Variants in ICA1 observed in about 807,000 individuals in gnomAD.
The protein encoded by ICA1 is 69 kDa islet cell autoantigen.
A neutral mutation model predicts 71.0 loss-of-function variants in ICA1; 40 were observed. That is an observed-to-expected ratio of 0.56 (90% CI 0.44 to 0.73). The LOEUF (loss-of-function observed/expected upper bound fraction) is 0.73. Among genes scored for constraint, ICA1 ranks in the 30% least tolerant of loss-of-function variants. The pLI is 0.00. For synonymous variants in ICA1, 207 were observed against 209.5 expected (o/e 0.99, Z 0.10); for missense variants, 578 against 576.5 (o/e 1.00, Z -0.03).
chr7:8,225,735 C>T (rs531092789), intron 4 of ICA1, among the ~76,000 whole-genome samples: 6 of 152,254 alleles, frequency 3.9e-5, no homozygotes, highest in African/African-American at 7.2e-5. Flanking sequence ...CATAGTGGCA[C>T]CTTTGATGAC....
At chr7:8,216,107 A>C (rs534365071) in intron 6 of ICA1, among the ~76,000 whole-genome samples, 8 of 152,222 alleles carry the variant, frequency 5.3e-5, no homozygotes, top group Non-Finnish European at 1.2e-4. Context: ...TCAATTTCCA[A>C]AACATCATGA....
At chr7:8,211,613 CACA>C (rs1313020457) in intron 6 of ICA1, among the ~76,000 whole-genome samples, 1 of 152,104 alleles carries the variant, frequency 6.6e-6, no homozygotes, top group African/African-American at 2.4e-5. Context: ...AGTTCCATTG[CACA>C]ACAATGTAAA....
chr7:8,229,933 G>A lies in ICA1; in HGVS notation c.184-1260C>T, dbSNP rs113364345. ...ATTTCCTGAATATAGGAGCAAGGAC[G>A]TTCAAAAAGTATGTTTAGGAGTTGT... On this transcript the variant is annotated intron_variant, in intron 3 of 13. Coordinates refer to ENST00000402384, the MANE Select transcript of ICA1 (RefSeq NM_001136020.3). Among the ~76,000 whole-genome samples, 853 of 152,282 alleles carry A rather than the reference G, an allele frequency of 5.6e-3. 21 individuals carry two copies. Among genetic ancestry groups the A allele is most frequent in the Admixed American group, 0.041 (632 of 15,300 alleles).
intron 6 of ICA1, among the ~76,000 whole-genome samples, chr7:8,205,062 T>G (rs1447346864): frequency 8.5e-6 from 1 of 117,786 alleles, no homozygotes; most frequent in Admixed American, 9.3e-5. Context: ...CTTTTTATTT[T>G]AAAATGGAAG....
intron 8 of ICA1, among the ~76,000 whole-genome samples, chr7:8,146,907 C>T (rs1182368229): frequency 6.6e-6 from 1 of 150,512 alleles, no homozygotes; most frequent in Admixed American, 6.6e-5. Flanking sequence ...CACACACACA[C>T]TCGCCTTTCG....
At chr7:8,203,913 G>A (rs1790582623) in intron 6 of ICA1, among the ~76,000 whole-genome samples, 1 of 152,080 alleles carries the variant, frequency 6.6e-6, no homozygotes, top group African/African-American at 2.4e-5. Flanking sequence ...TACTCTTGCA[G>A]GATTCAGGCG....
At chr7:8,210,033 A>C (rs1981715) in intron 6 of ICA1, among the ~76,000 whole-genome samples, 1 of 152,078 alleles carries the variant, frequency 6.6e-6, no homozygotes, top group African/African-American at 2.4e-5. Context: ...CTAACTTTGG[A>C]CTTGTCAATT....
intron 1 of ICA1, among the ~76,000 whole-genome samples, chr7:8,261,682 C>G (rs1812468548): frequency 6.7e-6 from 1 of 148,606 alleles, no homozygotes; most frequent in Non-Finnish European, 1.5e-5. Context: ...ACCCTGGACG[C>G]AAGTCCCTGC....
At chr7:8,233,782 A>G (rs1421160546) in intron 2 of ICA1, among the ~76,000 whole-genome samples, 1 of 152,216 alleles carries the variant, frequency 6.6e-6, no homozygotes, top group Non-Finnish European at 1.5e-5. Context: ...ACCACAATAA[A>G]ATAACAATAA....
chr7:8,174,609 C>T (rs1482935442), intron 6 of ICA1, among the ~76,000 whole-genome samples: 7 of 151,708 alleles, frequency 4.6e-5, no homozygotes, highest in South Asian at 4.2e-4. Context: ...GCTTGGGCAA[C>T]GTGGCAAAAC....
intron 6 of ICA1, among the ~76,000 whole-genome samples, chr7:8,196,688 A>C (rs1002610604): frequency 1.8e-4 from 27 of 152,284 alleles, no homozygotes; most frequent in Admixed American, 1.1e-3. Flanking sequence ...GAAGCTAAAA[A>C]TTGCTCTTAA....
chr7:8,178,102 A>G (rs2128250625), intron 6 of ICA1, among the ~76,000 whole-genome samples: 1 of 152,302 alleles, frequency 6.6e-6, no homozygotes, highest in South Asian at 2.1e-4. Flanking sequence ...ACAATCTTCC[A>G]GCTCATCAAG....
chr7:8,193,727 A>G (rs1044515574), intron 6 of ICA1, among the ~76,000 whole-genome samples: 12 of 152,174 alleles, frequency 7.9e-5, no homozygotes, highest in Non-Finnish European at 1.8e-4. Context: ...CTTTTGTTCC[A>G]TTTGCTTATT....
chr7:8,156,367 C>T (rs1273438340), intron 8 of ICA1, among the ~76,000 whole-genome samples: 3 of 152,186 alleles, frequency 2.0e-5, no homozygotes, highest in Non-Finnish European at 2.9e-5. Context: ...GTTCATGCCT[C>T]GTTTTCTTCT....
chr7:8,164,825 C>A (rs1805295764), intron 6 of ICA1, among the ~76,000 whole-genome samples: 1 of 152,174 alleles, frequency 6.6e-6, no homozygotes, highest in Non-Finnish European at 1.5e-5. Flanking sequence ...TACTGGTAAT[C>A]CCAGTACTTT....
chr7:8,229,303 G>C (rs1268302483), intron 3 of ICA1, among the ~76,000 whole-genome samples: 2 of 152,148 alleles, frequency 1.3e-5, no homozygotes, highest in African/African-American at 2.4e-5. Context: ...CCATGCTGTG[G>C]CCATACTAGC....
intron 6 of ICA1, among the ~76,000 whole-genome samples, chr7:8,194,583 C>T (rs1337811612): frequency 6.6e-6 from 1 of 152,154 alleles, no homozygotes; most frequent in Non-Finnish European, 1.5e-5. Flanking sequence ...TTCTTCTTGA[C>T]CAAATTATTT....
chr7:8,147,379 C>A (rs1446111065), intron 8 of ICA1, among the ~76,000 whole-genome samples: 2 of 152,154 alleles, frequency 1.3e-5, no homozygotes, highest in Non-Finnish European at 2.9e-5. Context: ...CTTCTCCCAA[C>A]GGAATGGCTG....
chr7:8,152,619 T>TC, intron 8 of ICA1, among the ~76,000 whole-genome samples: 1 of 114,114 alleles, frequency 8.8e-6, no homozygotes, highest in South Asian at 2.6e-4. Flanking sequence ...CACCATCACC[T>TC]CTTCCACCAC....
Sources: allele counts gnomAD v4.1 joint callset (sites outside exome capture counted in the v4.1 genomes callset), GRCh38; gene constraint gnomAD v4.1.1; transcripts MANE v1.5; gene names NCBI Gene and HGNC (gene_info 2026-07-23, HGNC 2026-07-21).